Variants in MAPK8 observed in about 807,000 individuals in gnomAD.
The protein encoded by MAPK8 is mitogen-activated protein kinase 8.
MAPK8 carries 13 observed loss-of-function variants against 52.9 expected under a neutral mutation model. That is an observed-to-expected ratio of 0.25 (90% CI 0.16 to 0.39). The LOEUF (loss-of-function observed/expected upper bound fraction) is 0.39. Among genes scored for constraint, MAPK8 ranks in the 10% least tolerant of loss-of-function variants. MAPK8 has a pLI of 1.00. For missense variants in MAPK8, 300 were observed against 519.2 expected (o/e 0.58, Z 4.10); for synonymous variants, 191 against 169.8 (o/e 1.12, Z -0.97).
rs1205418935 is a variant in MAPK8 at position 48,425,984 on chromosome 10, A to G, written c.785A>G (p.Asn262Ser). 1 of 1,613,422 alleles carries G rather than the reference A, an allele frequency of 6.2e-7. No individual in the cohort carries two copies. Reference protein sequence around the residue: ...LQPTVRTYVENRPKYAGYSFE... With the variant: ...LQPTVRTYVESRPKYAGYSFE... ...CCAACAGTAAGGACTTACGTTGAAAACAGACCTAAATATGCTGGATATAGC... is the reference window on the plus strand; with the variant it reads ...CCAACAGTAAGGACTTACGTTGAAAGCAGACCTAAATATGCTGGATATAGC... Residue 262 changes from asparagine (N) to serine (S), a missense_variant, in exon 8 of 12, where the codon AAC becomes AGC. Asn to Ser is a conservative substitution (Grantham distance 46). Coordinates refer to ENST00000374189, the MANE Select transcript of MAPK8 (RefSeq NM_001323329.2).
intron 1 of MAPK8, among the ~76,000 whole-genome samples, chr10:48,381,022 C>A (rs1201168398): frequency 6.6e-6 from 1 of 152,142 alleles, no homozygotes; most frequent in East Asian, 1.9e-4. Flanking sequence ...CTCTCTCCCT[C>A]CTTTTCTTTT....
intron 1 of MAPK8, among the ~76,000 whole-genome samples, chr10:48,399,007 G>A (rs1048500524): frequency 2.6e-5 from 4 of 152,040 alleles, no homozygotes; most frequent in Admixed American, 1.3e-4. Context: ...CTTTGCATTC[G>A]ATTTGTTTTT....
chr10:48,330,568 G>T (rs1032988566), intron 1 of MAPK8, among the ~76,000 whole-genome samples: 1 of 152,182 alleles, frequency 6.6e-6, no homozygotes, highest in Non-Finnish European at 1.5e-5. Flanking sequence ...CAAACCCAAT[G>T]AATGGACTCA....
At chr10:48,372,275 G>A (rs886868058) in intron 1 of MAPK8, among the ~76,000 whole-genome samples, 20 of 152,040 alleles carry the variant, frequency 1.3e-4, no homozygotes, top group African/African-American at 4.6e-4. Flanking sequence ...AGAAACCAGC[G>A]CAAAAAGTCT....
intron 1 of MAPK8, among the ~76,000 whole-genome samples, chr10:48,310,370 G>A (rs536482386): frequency 3.0e-4 from 45 of 152,220 alleles, no homozygotes; most frequent in African/African-American, 1.0e-3. Flanking sequence ...TTAGGATTTT[G>A]TAATTTTGTA....
intron 1 of MAPK8, among the ~76,000 whole-genome samples, chr10:48,378,555 G>T (rs552268436): frequency 1.7e-4 from 26 of 152,110 alleles, no homozygotes; most frequent in Admixed American, 7.9e-4. Context: ...TTAAAACCTG[G>T]TTCTTCTTTA....
intron 1 of MAPK8, among the ~76,000 whole-genome samples, chr10:48,318,701 A>G (rs979599267): frequency 6.6e-6 from 1 of 152,190 alleles, no homozygotes; most frequent in Admixed American, 6.5e-5. Context: ...GAGGTATTAA[A>G]AAAGGGTCAG....
chr10:48,383,234 G>C (rs138053595), intron 1 of MAPK8, among the ~76,000 whole-genome samples: 1 of 152,028 alleles, frequency 6.6e-6, no homozygotes, highest in East Asian at 1.9e-4. Context: ...ACAAGATCCA[G>C]AACCACCCCA....
rs17836281 is a variant in MAPK8 at position 48,400,799 on chromosome 10, C to G, written c.-49-813C>G. ...TACATTTTGGAATAGTCTCTTTTGT[C>G]TAGTAAGGATGGATAAGTTTGTTAA... is the stretch of plus-strand genomic sequence containing the variant. On this transcript the variant is annotated intron_variant, in intron 1 of 11. Transcript: ENST00000374189. 1.0e-3 allele frequency among the ~76,000 whole-genome samples: 154 copies of G among 152,160 alleles called. 1 individual carries two copies. The East Asian group carries it at 0.021, about 21-fold the overall frequency.
intron 1 of MAPK8, among the ~76,000 whole-genome samples, chr10:48,316,287 T>G (rs1025656603): frequency 1.3e-5 from 2 of 152,202 alleles, no homozygotes; most frequent in African/African-American, 4.8e-5. Context: ...CCTGCAGTAT[T>G]CAGTACAGTA....
At chr10:48,405,310 T>C (rs1233565014) in intron 3 of MAPK8, among the ~76,000 whole-genome samples, 1 of 152,214 alleles carries the variant, frequency 6.6e-6, no homozygotes, top group Non-Finnish European at 1.5e-5. Context: ...GGCTGACATT[T>C]AGAAAACTGT....
At chr10:48,404,803 A>T (rs2133022606) in intron 2 of MAPK8, 49 bp from the exon 3 acceptor site, 2 of 1,491,508 alleles carry the variant, frequency 1.3e-6, no homozygotes, top group East Asian at 4.6e-5. Context: ...TTCAGTTTAC[A>T]GATTTTTGCT....
At chr10:48,427,210 TATC>T (rs1278791417) in intron 10 of MAPK8, 67 bp downstream of exon 10, 1 of 1,186,212 alleles carries the variant, frequency 8.4e-7, no homozygotes, top group Non-Finnish European at 1.2e-6. Context: ...GGTGATTTAT[TATC>T]ATGTTAGAGA....
intron 1 of MAPK8, among the ~76,000 whole-genome samples, chr10:48,328,564 A>G (rs1210235472): frequency 4.6e-5 from 7 of 152,172 alleles, no homozygotes; most frequent in Non-Finnish European, 7.4e-5. Context: ...CCTTTTCTTT[A>G]GGAAGTTGGC....
intron 1 of MAPK8, among the ~76,000 whole-genome samples, chr10:48,346,373 T>TC (rs1324524123): frequency 6.6e-6 from 1 of 152,190 alleles, no homozygotes; most frequent in Non-Finnish European, 1.5e-5. Context: ...TAGTGAGGTG[T>TC]GACCAGAAGA....
intron 1 of MAPK8, among the ~76,000 whole-genome samples, chr10:48,342,601 G>A (rs1463280423): frequency 6.6e-6 from 1 of 152,160 alleles, no homozygotes; most frequent in Non-Finnish European, 1.5e-5. Flanking sequence ...AAGACATGAT[G>A]GTAGCTTGAA....
intron 1 of MAPK8, among the ~76,000 whole-genome samples, chr10:48,313,010 A>G (rs922004941): frequency 2.6e-5 from 4 of 152,232 alleles, no homozygotes; most frequent in African/African-American, 9.6e-5. Flanking sequence ...TCCTTGGTCC[A>G]GATGTATTTT....
Position 48,404,965 on chromosome 10 carries a change from G to C in MAPK8, c.236G>C (p.Cys79Ser), listed in dbSNP as rs2042381603. ...RAYRELVLMK[C>S]VNHKNIIGLL... The stretch of plus-strand genomic sequence containing the variant: ...TACAGAGAGCTAGTTCTTATGAAAT[G>C]TGTTAATCACAAAAATGTAAGTGAA... Residue 79 changes from cysteine (C) to serine (S), a missense_variant, in exon 3 of 12, where the codon TGT (cysteine) becomes TCT (serine). By Grantham distance (112) the Cys-to-Ser change is moderately radical. Transcript: ENST00000374189. 7 of 1,600,772 alleles carry C rather than the reference G, an allele frequency of 4.4e-6. No homozygotes were observed. Among genetic ancestry groups the C allele is most frequent in the Non-Finnish European group, 6.0e-6 (7 of 1,174,522 alleles).
chr10:48,432,537 T>C lies in MAPK8; in HGVS notation c.1138+1267T>C, dbSNP rs761833378. 3.9e-5 allele frequency among the ~76,000 whole-genome samples: 6 copies of C among 152,200 alleles called. 1 individual carries two copies. In the South Asian group the frequency reaches 6.2e-4, roughly 16 times the overall value. On this transcript the variant is annotated intron_variant, in intron 11 of 11. Transcript: ENST00000374189. Reference sequence around the variant, plus strand: ...AAATTTAAAGCTCTATTATAAATGCTTTGTGTAATTAATTAGCTTTGTATT... The same window carrying C: ...AAATTTAAAGCTCTATTATAAATGCCTTGTGTAATTAATTAGCTTTGTATT...
Sources: gnomAD v4.1 joint callset for allele counts (sites outside exome capture counted in the v4.1 genomes callset) on GRCh38, gnomAD v4.1.1 for gene constraint, MANE v1.5 for transcripts, NCBI Gene and HGNC (gene_info 2026-07-23, HGNC 2026-07-21) for gene names.